NEDD4: variants seen among roughly 807,000 people sequenced by gnomAD.
NEDD4 encodes the protein E3 ubiquitin-protein ligase NEDD4.
NEDD4 carries 99 observed loss-of-function variants against 144.9 expected under a neutral mutation model. The ratio of observed to expected loss-of-function variants is 0.68; its 90% confidence interval spans 0.58 to 0.81. The LOEUF (loss-of-function observed/expected upper bound fraction) is 0.81. NEDD4 is among the 30% of genes least tolerant of loss of function. The pLI is 0.00. For synonymous variants in NEDD4, 318 were observed against 350.6 expected (o/e 0.91, Z 1.04); for missense variants, 985 against 1,065.9 (o/e 0.92, Z 1.06).
chr15:55,990,739 T>C (rs1307095419), intron 1 of NEDD4, among the ~76,000 whole-genome samples: 2 of 152,092 alleles, frequency 1.3e-5, no homozygotes, highest in African/African-American at 2.4e-5. Flanking sequence ...GGGAGGTGCA[T>C]GGGAAGGAGG....
intron 5 of NEDD4, among the ~76,000 whole-genome samples, chr15:55,895,140 C>A (rs1443692479): frequency 6.6e-6 from 1 of 152,158 alleles, no homozygotes; most frequent in African/African-American, 2.4e-5. Flanking sequence ...GGATAAAGCT[C>A]TTCCTTTCCA....
chr15:55,877,284 T>C (rs1464633221), intron 5 of NEDD4, among the ~76,000 whole-genome samples: 3 of 152,168 alleles, frequency 2.0e-5, no homozygotes, highest in Admixed American at 6.6e-5. Context: ...CCTTAGTCTT[T>C]CTTTGTCTTT....
At chr15:55,923,385 T>C (rs930709085) in intron 5 of NEDD4, among the ~76,000 whole-genome samples, 2 of 152,012 alleles carry the variant, frequency 1.3e-5, no homozygotes, top group African/African-American at 4.8e-5. Flanking sequence ...TGGCAGCTCA[T>C]GCCTGTAATC....
At chr15:55,853,910 G>GAA (rs2034089701) in intron 12 of NEDD4, among the ~76,000 whole-genome samples, 1 of 152,186 alleles carries the variant, frequency 6.6e-6, no homozygotes, top group Non-Finnish European at 1.5e-5. Context: ...AGAACTGCTT[G>GAA]AACCGGGAGG....
intron 1 of NEDD4, among the ~76,000 whole-genome samples, chr15:55,983,331 A>G (rs1014183118): frequency 6.6e-6 from 1 of 152,182 alleles, no homozygotes; most frequent in Non-Finnish European, 1.5e-5. Context: ...TTTGATTTCC[A>G]TGCTACTTGG....
At chr15:55,915,358 T>C (rs1791493291) in intron 5 of NEDD4, 1 of 1,613,418 alleles carries the variant, frequency 6.2e-7, no homozygotes. Flanking sequence ...TTACCTTCAT[T>C]TCCAGATGCA....
chr15:55,966,695 AC>A, intron 1 of NEDD4, 149 bp from the exon 2 acceptor site: 2 of 442,996 alleles, frequency 4.5e-6, no homozygotes, highest in South Asian at 1.6e-4. Flanking sequence ...TAAAAGTTAC[AC>A]GGGAAAAAAA....
At chr15:55,882,311 C>G (rs571584041) in intron 5 of NEDD4, among the ~76,000 whole-genome samples, 52 of 152,292 alleles carry the variant, frequency 3.4e-4, no homozygotes, top group Non-Finnish European at 1.3e-4. Context: ...ACACCCACCC[C>G]CTCCATCCCC....
rs2032773850 is a variant in NEDD4 at position 55,828,049 on chromosome 15, C to G, written c.*1848G>C. 1 of 152,174 alleles carries G rather than the reference C, an allele frequency of 6.6e-6. No individual in the cohort carries two copies. Among genetic ancestry groups the G allele is most frequent in the South Asian group, 2.1e-4 (1 of 4,828 alleles). 9.4% of individuals were successfully genotyped at this position (152,174 alleles called of 1,614,324 possible). On this transcript the variant is annotated 3_prime_UTR_variant, in exon 29 of 29. Coordinates refer to ENST00000435532, the MANE Select transcript of NEDD4 (RefSeq NM_006154.4). ...TGGCTGGTGAGATATCAAACCAGGA[C>G]TATACCTGGTGCTCATCCTTGACTG...
chr15:55,911,540 T>A (rs1401188853), intron 5 of NEDD4, among the ~76,000 whole-genome samples: 8 of 152,004 alleles, frequency 5.3e-5, no homozygotes, highest in African/African-American at 1.9e-4. Flanking sequence ...AAAAATTTTT[T>A]TTTTTTTGAG....
chr15:55,839,164 G>C (rs1287401743), intron 21 of NEDD4, among the ~76,000 whole-genome samples: 1 of 151,816 alleles, frequency 6.6e-6, no homozygotes, highest in Non-Finnish European at 1.5e-5. Flanking sequence ...AAGTAGCTGG[G>C]ACTACAGGCG....
intron 8 of NEDD4, among the ~76,000 whole-genome samples, chr15:55,865,874 T>C (rs2034568886): frequency 6.6e-6 from 1 of 152,082 alleles, no homozygotes; most frequent in South Asian, 2.1e-4. Context: ...TGACGAGTAG[T>C]GGAGTAGGAA....
At chr15:55,976,531 C>G (rs193095454) in intron 1 of NEDD4, among the ~76,000 whole-genome samples, 53 of 152,284 alleles carry the variant, frequency 3.5e-4, no homozygotes, top group African/African-American at 1.3e-3. Context: ...GATATCATCT[C>G]ACCCCAGTTA....
At chr15:55,873,588 T>C (rs2034884267) in intron 6 of NEDD4, among the ~76,000 whole-genome samples, 1 of 152,214 alleles carries the variant, frequency 6.6e-6, no homozygotes, top group Admixed American at 6.5e-5. Context: ...GCTATATTCT[T>C]AGTCCTGATT....
At chr15:55,882,934 C>A (rs2035248024) in intron 5 of NEDD4, among the ~76,000 whole-genome samples, 1 of 152,148 alleles carries the variant, frequency 6.6e-6, no homozygotes, top group Non-Finnish European at 1.5e-5. Flanking sequence ...GACTCTGAGA[C>A]ATACAGGTTT....
In NEDD4 at chr15:55,829,432, G is replaced by T. The variant is rs2032839701; in HGVS notation, c.*465C>A. 1 of 155,108 alleles carries T rather than the reference G, an allele frequency of 6.4e-6. No individual in the cohort carries two copies. The allele number at this position is 155,108 out of a possible 1,614,324, so 9.6% of individuals were successfully genotyped here. On this transcript the variant is annotated 3_prime_UTR_variant, in exon 29 of 29. Coordinates refer to ENST00000435532, the MANE Select transcript of NEDD4 (RefSeq NM_006154.4). The stretch of plus-strand genomic sequence containing the variant: ...ATATTGTAGTTTACTCAATAGTAAA[G>T]TATTTCTTTTTCCAAATTTCAGTTT...
intron 1 of NEDD4, among the ~76,000 whole-genome samples, chr15:55,972,931 TACA>T (rs2037635213): frequency 6.6e-6 from 1 of 152,142 alleles, no homozygotes; most frequent in African/African-American, 2.4e-5. Flanking sequence ...AACAAGAAGA[TACA>T]ACAATTGTAA....
Position 55,986,016 on chromosome 15 carries a change from A to C in NEDD4, c.45+7495T>G, listed in dbSNP as rs950969031. On this transcript the variant is annotated intron_variant, in intron 1 of 28. Coordinates refer to ENST00000435532, the MANE Select transcript of NEDD4 (RefSeq NM_006154.4). ...GGGGACTTGTTACGAAGACCTAGGA[A>C]CCTCCTTGAAAGGGCTCCCACTGGA... Among the ~76,000 whole-genome samples, 3 of 152,124 alleles carry C rather than the reference A, an allele frequency of 2.0e-5. No individual in the cohort carries two copies. In the East Asian group the frequency reaches 5.8e-4, roughly 29 times the overall value.
At chr15:55,978,965 G>A (rs1314638899) in intron 1 of NEDD4, among the ~76,000 whole-genome samples, 1 of 149,548 alleles carries the variant, frequency 6.7e-6, no homozygotes, top group Non-Finnish European at 1.5e-5. Flanking sequence ...AGGGCTGCAC[G>A]TCTTTCCATT....
Sources: allele counts gnomAD v4.1 joint callset (sites outside exome capture counted in the v4.1 genomes callset), GRCh38; gene constraint gnomAD v4.1.1; transcripts MANE v1.5; gene names NCBI Gene and HGNC (gene_info 2026-07-23, HGNC 2026-07-21).